ZFHX3: variants seen among roughly 807,000 people sequenced by gnomAD.
ZFHX3 encodes zinc finger homeobox 3.
A neutral mutation model predicts 279.1 loss-of-function variants in ZFHX3; 42 were observed. The observed-to-expected ratio is 0.15, with a 90% CI of 0.12 to 0.19. The LOEUF (loss-of-function observed/expected upper bound fraction) is 0.19. ZFHX3 is among the 10% of genes least tolerant of loss of function. ZFHX3 has a pLI of 1.00. For synonymous variants in ZFHX3, 2,293 were observed against 1,957.8 expected (o/e 1.17, Z -4.52); for missense variants, 4,981 against 4,754.0 (o/e 1.05, Z -1.40).
Position 72,950,570 on chromosome 16 carries a change from G to A in ZFHX3, c.3115C>T (p.His1039Tyr). ...TAGTCACAGGCGTTGCACTTGAGGT[G>A]CACGGGGTTGCCGATGGCCACACAC... ...LKCVAIGNPV[H>Y]LKCNACDYYT... Residue 1039 changes from histidine to tyrosine, a missense_variant, in exon 3 of 10, where the codon CAC becomes TAC. Physicochemically the swap from His to Tyr is moderately conservative, Grantham distance 83. Coordinates refer to ENST00000268489, the MANE Select transcript of ZFHX3 (RefSeq NM_006885.4). 1.2e-6 allele frequency: 2 copies of A among 1,614,238 alleles called. No homozygotes were observed. Among genetic ancestry groups the A allele is most frequent in the African/African-American group, 1.3e-5 (1 of 75,072 alleles).
intron 3 of ZFHX3, among the ~76,000 whole-genome samples, chr16:73,395,146 C>A (rs1193808536): frequency 6.6e-6 from 1 of 152,104 alleles, no homozygotes; most frequent in African/African-American, 2.4e-5. Flanking sequence ...AAACATACTA[C>A]AATGCACAGG....
At chr16:73,433,909 A>G (rs1253844357) in intron 3 of ZFHX3, among the ~76,000 whole-genome samples, 1 of 152,192 alleles carries the variant, frequency 6.6e-6, no homozygotes, top group Non-Finnish European at 1.5e-5. Context: ...GGGTTATGTC[A>G]TGGCACAGCC....
chr16:73,012,086 T>C (rs993925975), intron 1 of ZFHX3, among the ~76,000 whole-genome samples: 1 of 152,174 alleles, frequency 6.6e-6, no homozygotes, highest in African/African-American at 2.4e-5. Flanking sequence ...CACTTCAAAA[T>C]AGAGGTACCC....
At chr16:73,100,251 C>A (rs1966214317) in intron 7 of ZFHX3, among the ~76,000 whole-genome samples, 1 of 152,144 alleles carries the variant, frequency 6.6e-6, no homozygotes, top group South Asian at 2.1e-4. Context: ...GCAGAGAAGA[C>A]AGACAGCTGA....
chr16:72,809,174 G>A (rs889887871), intron 7 of ZFHX3, among the ~76,000 whole-genome samples: 1 of 152,086 alleles, frequency 6.6e-6, no homozygotes, highest in African/African-American at 2.4e-5. Flanking sequence ...TAGTCCCTAG[G>A]GATATATAAA....
chr16:72,856,498 C>T (rs920094385), intron 4 of ZFHX3, among the ~76,000 whole-genome samples: 21 of 152,206 alleles, frequency 1.4e-4, no homozygotes, highest in African/African-American at 5.1e-4. Context: ...TAGATGCCTT[C>T]AAAATCCCAA....
chr16:72,960,742 C>T (rs184345345), intron 1 of ZFHX3, among the ~76,000 whole-genome samples: 2 of 152,222 alleles, frequency 1.3e-5, no homozygotes, highest in African/African-American at 4.8e-5. Flanking sequence ...CAATTGCAGC[C>T]GTCGCTTTTA....
intron 1 of ZFHX3, among the ~76,000 whole-genome samples, chr16:73,732,382 T>C (rs1369149109): frequency 6.6e-6 from 1 of 152,202 alleles, no homozygotes; most frequent in Non-Finnish European, 1.5e-5. Flanking sequence ...TTGGGTTCTT[T>C]AAATAAACAG....
chr16:72,908,610 C>T (rs1278532317), intron 3 of ZFHX3, among the ~76,000 whole-genome samples: 1 of 152,174 alleles, frequency 6.6e-6, no homozygotes, highest in South Asian at 2.1e-4. Context: ...ACTGGCTTGC[C>T]TCTGGGTGTC....
In ZFHX3 at chr16:73,172,988, GTTTTTTTGT is replaced by G. The variant is rs1432336448; in HGVS notation, c.-1103-29166_-1103-29158del. ...CCCCCTGCTGTTTCCTGATGGGACTGTTTTTTTGTTTTTTTTTTTGTTTTTTTTTTTTTT... is the reference window on the plus strand; with the variant it reads ...CCCCCTGCTGTTTCCTGATGGGACTGTTTTTTTTTTGTTTTTTTTTTTTTT... On this transcript the variant is annotated intron_variant, in intron 5 of 17. Coordinates refer to the ZFHX3 transcript ENST00000641206. Among the ~76,000 whole-genome samples the G allele has an allele frequency of 1.9e-3, 86 of 46,168 alleles. 1 individual carries two copies. Among genetic ancestry groups the G allele is most frequent in the Non-Finnish European group, 4.6e-4 (13 of 28,556 alleles). 30.3% of individuals were successfully genotyped at this position (46,168 alleles called of 152,430 possible).
At chr16:73,638,310 T>C (rs938796053) in intron 2 of ZFHX3, among the ~76,000 whole-genome samples, 2 of 152,240 alleles carry the variant, frequency 1.3e-5, no homozygotes, top group African/African-American at 4.8e-5. Flanking sequence ...ATATATTTAT[T>C]TATTAGGAGC....
At chr16:72,999,087 T>A (rs1963398949) in intron 1 of ZFHX3, among the ~76,000 whole-genome samples, 2 of 152,218 alleles carry the variant, frequency 1.3e-5, no homozygotes, top group African/African-American at 2.4e-5. Context: ...TCTGCCCTAG[T>A]CACATGTACG....
chr16:73,624,261 G>GA (rs904733350), intron 2 of ZFHX3, among the ~76,000 whole-genome samples: 12 of 151,736 alleles, frequency 7.9e-5, no homozygotes, highest in Non-Finnish European at 1.2e-4. Context: ...TACAAAGAAG[G>GA]AAAAAAAATT....
chr16:72,892,119 C>T (rs1296376896), intron 3 of ZFHX3, among the ~76,000 whole-genome samples: 2 of 152,186 alleles, frequency 1.3e-5, no homozygotes, highest in African/African-American at 2.4e-5. Flanking sequence ...TCACTGATCA[C>T]GTGTGAAAAA....
intron 4 of ZFHX3, among the ~76,000 whole-genome samples, chr16:73,292,900 G>T (rs1432496249): frequency 6.6e-6 from 1 of 152,158 alleles, no homozygotes; most frequent in African/African-American, 2.4e-5. Flanking sequence ...TTCCATAGGG[G>T]ACCTACATTT....
intron 1 of ZFHX3, among the ~76,000 whole-genome samples, chr16:73,790,850 C>A (rs1222367672): frequency 6.6e-6 from 1 of 152,222 alleles, no homozygotes; most frequent in Admixed American, 6.5e-5. Context: ...TTGGCATCTT[C>A]CACCAGTCAG....
At chr16:72,970,163 G>T (rs936637416) in intron 1 of ZFHX3, among the ~76,000 whole-genome samples, 1 of 151,972 alleles carries the variant, frequency 6.6e-6, no homozygotes, top group Non-Finnish European at 1.5e-5. Context: ...GACAGCGGAG[G>T]CAGGTCTAGG....
In ZFHX3 at chr16:72,787,504, G is replaced by C. The variant is rs749911945; in HGVS notation, c.10772C>G (p.Ala3591Gly). Residue 3591 changes from alanine to glycine, a missense_variant, in exon 10 of 10, where the codon GCT (alanine) becomes GGT (glycine). Transcript: ENST00000268489. Reference protein sequence around the residue: ...PSTASTSQSAAHSNDSPPPPS... With the variant: ...PSTASTSQSAGHSNDSPPPPS... ...GGGAGGGGGGCTGTCGTTTGAGTGA[G>C]CGGCAGACTGCGAGGTAGATGCGGT... is the stretch of plus-strand genomic sequence containing the variant. The C allele has an allele frequency of 7.3e-5, 117 of 1,613,794 alleles. No individual in the cohort carries two copies. Among genetic ancestry groups the C allele is most frequent in the Middle Eastern group, 1.7e-4 (1 of 6,024 alleles).
intron 1 of ZFHX3, among the ~76,000 whole-genome samples, chr16:73,039,400 G>GAA (rs1965031193): frequency 6.6e-6 from 1 of 152,216 alleles, no homozygotes; most frequent in Admixed American, 6.5e-5. Context: ...GAGTGGCCGG[G>GAA]AACCTGCCAT....
Sources: gnomAD v4.1 joint callset for allele counts (sites outside exome capture counted in the v4.1 genomes callset) on GRCh38, gnomAD v4.1.1 for gene constraint, MANE v1.5 for transcripts, NCBI Gene and HGNC (gene_info 2026-07-23, HGNC 2026-07-21) for gene names.